Variants in PTPRD observed in about 807,000 individuals in gnomAD.
PTPRD encodes protein tyrosine phosphatase receptor type D.
In PTPRD, 34 loss-of-function variants were observed where a neutral mutation model predicts 214.5. The observed-to-expected ratio is 0.16, with a 90% CI of 0.12 to 0.21. The LOEUF is 0.21. Among genes scored for constraint, PTPRD ranks in the 10% least tolerant of loss-of-function variants. PTPRD has a pLI of 1.00. For synonymous variants in PTPRD, 1,128 were observed against 845.7 expected (o/e 1.33, Z -5.79); for missense variants, 2,545 against 2,398.7 (o/e 1.06, Z -1.27).
intron 10 of PTPRD, among the ~76,000 whole-genome samples, chr9:9,088,229 T>A (rs1444555763): frequency 6.6e-6 from 1 of 151,372 alleles, no homozygotes. Context: ...CCCTTGAACC[T>A]GCCAGAAAAG....
intron 2 of PTPRD, among the ~76,000 whole-genome samples, chr9:10,421,049 C>T (rs1466129781): frequency 6.6e-6 from 1 of 151,800 alleles, no homozygotes; most frequent in East Asian, 1.9e-4. Context: ...AATACACTAA[C>T]ACTAACAATA....
At chr9:10,266,038 T>G (rs2094031059) in intron 3 of PTPRD, among the ~76,000 whole-genome samples, 1 of 152,226 alleles carries the variant, frequency 6.6e-6, no homozygotes, top group Middle Eastern at 3.4e-3. Flanking sequence ...AGAAAAAATA[T>G]AAATATAACT....
At chr9:8,923,381 C>T (rs16928627) in intron 11 of PTPRD, among the ~76,000 whole-genome samples, 7,935 of 151,954 alleles carry the variant, frequency 0.052, 416 homozygotes, top group East Asian at 0.2. Context: ...TACTCAGCAC[C>T]GAGAGCAAGC....
intron 5 of PTPRD, among the ~76,000 whole-genome samples, chr9:9,923,328 G>T (rs2083203565): frequency 6.7e-6 from 1 of 148,502 alleles, no homozygotes; most frequent in Admixed American, 6.7e-5. Flanking sequence ...AAAGTTAAAA[G>T]AAAGACACAA....
chr9:9,231,419 G>A (rs2099963023), intron 9 of PTPRD, among the ~76,000 whole-genome samples: 1 of 152,020 alleles, frequency 6.6e-6, no homozygotes, highest in African/African-American at 2.4e-5. Context: ...TTTTACAAGT[G>A]GAAATCCTGG....
intron 5 of PTPRD, among the ~76,000 whole-genome samples, chr9:9,779,099 A>AAAAAAAAAAG (rs1565195907): frequency 1.7e-4 from 25 of 148,840 alleles, no homozygotes; most frequent in African/African-American, 6.1e-4. Context: ...AAAAAAAAAA[A>AAAAAAAAAAG]AAAAAGCAAT....
At chr9:8,780,554 T>C (rs2095654378) in intron 11 of PTPRD, among the ~76,000 whole-genome samples, 1 of 152,136 alleles carries the variant, frequency 6.6e-6, no homozygotes, top group South Asian at 2.1e-4. Context: ...AAAATGTCCA[T>C]GGTAGTTTCT....
intron 8 of PTPRD, among the ~76,000 whole-genome samples, chr9:9,439,308 T>C (rs1311346389): frequency 1.3e-5 from 2 of 152,142 alleles, no homozygotes; most frequent in Non-Finnish European, 2.9e-5. Context: ...AATTCATTCA[T>C]GCATAACATA....
intron 14 of PTPRD, among the ~76,000 whole-genome samples, chr9:8,570,086 G>A (rs1215829536): frequency 6.6e-6 from 1 of 152,066 alleles, no homozygotes; most frequent in Admixed American, 6.6e-5. Flanking sequence ...AAGAATGACT[G>A]TTCCTATAGC....
At chr9:10,395,953 A>ACGAGAGAG (rs1006733057) in intron 2 of PTPRD, among the ~76,000 whole-genome samples, 1 of 137,178 alleles carries the variant, frequency 7.3e-6, no homozygotes, top group African/African-American at 2.8e-5. Context: ...CATAGAGAGA[A>ACGAGAGAG]TGAGAGAGAG....
intron 5 of PTPRD, among the ~76,000 whole-genome samples, chr9:9,924,156 G>C (rs941192635): frequency 1.3e-5 from 2 of 151,956 alleles, no homozygotes; most frequent in Non-Finnish European, 2.9e-5. Context: ...CACATTGAGA[G>C]AATAGTGGGA....
intron 9 of PTPRD, among the ~76,000 whole-genome samples, chr9:9,183,656 A>T (rs2099929581): frequency 6.6e-6 from 1 of 152,050 alleles, no homozygotes; most frequent in African/African-American, 2.4e-5. Flanking sequence ...TAAAATGGCT[A>T]AATTGCCTTC....
intron 3 of PTPRD, among the ~76,000 whole-genome samples, chr9:10,251,115 T>C (rs1354806936): frequency 6.6e-6 from 1 of 152,092 alleles, no homozygotes; most frequent in Non-Finnish European, 1.5e-5. Context: ...TTACTTAAAA[T>C]TAACAGAAAA....
intron 2 of PTPRD, among the ~76,000 whole-genome samples, chr9:10,475,740 G>A (rs1318861964): frequency 6.6e-6 from 1 of 151,992 alleles, no homozygotes; most frequent in Non-Finnish European, 1.5e-5. Context: ...TAAAATACTA[G>A]CAAATCAAAT....
chr9:9,173,339 T>C lies in PTPRD; in HGVS notation c.-143+9965A>G, dbSNP rs1206742738. Among the ~76,000 whole-genome samples the C allele has an allele frequency of 2.6e-5, 4 of 152,310 alleles. No individual in the cohort carries two copies. The South Asian group carries it at 6.2e-4, about 24-fold the overall frequency. ...CTGGTATTCAGCAAGTAAAATGAACTTCCATTCTGTGTAGCTGGGTGTCTA... is the reference window on the plus strand; with the variant it reads ...CTGGTATTCAGCAAGTAAAATGAACCTCCATTCTGTGTAGCTGGGTGTCTA... On this transcript the variant is annotated intron_variant, in intron 10 of 45. Coordinates refer to ENST00000381196, the MANE Select transcript of PTPRD (RefSeq NM_002839.4).
At chr9:8,469,970 G>A (rs933596468) in intron 31 of PTPRD, among the ~76,000 whole-genome samples, 1 of 152,128 alleles carries the variant, frequency 6.6e-6, no homozygotes, top group Admixed American at 6.5e-5. Flanking sequence ...TCTCTGTAAT[G>A]TAGGTAGGGA....
At chr9:9,920,400 C>A (rs1044525702) in intron 5 of PTPRD, among the ~76,000 whole-genome samples, 2 of 152,000 alleles carry the variant, frequency 1.3e-5, no homozygotes, top group African/African-American at 4.8e-5. Flanking sequence ...TCTAACAATT[C>A]GAAGGAATCT....
chr9:9,839,235 T>C (rs1438137166), intron 5 of PTPRD, among the ~76,000 whole-genome samples: 1 of 152,122 alleles, frequency 6.6e-6, no homozygotes, highest in African/African-American at 2.4e-5. Context: ...TACAGGGTAT[T>C]CAATTAGGAA....
At position 9,136,491 on chromosome 9, in the gene PTPRD, C is replaced by A. The variant is rs1006949605; in HGVS notation, c.-143+46813G>T. ...GTGGTAAAAAACGCAATTAATGGAA[C>A]ACCTCAAATATAATCACTACTTAGA... On this transcript the variant is annotated intron_variant, in intron 10 of 45. Transcript: ENST00000381196. Among the ~76,000 whole-genome samples, 9 of 152,174 alleles carry A rather than the reference C, an allele frequency of 5.9e-5. No individual in the cohort carries two copies. In the South Asian group the frequency reaches 1.7e-3, roughly 28 times the overall value.
Sources: allele counts gnomAD v4.1 joint callset (sites outside exome capture counted in the v4.1 genomes callset), GRCh38; gene constraint gnomAD v4.1.1; transcripts MANE v1.5; gene names NCBI Gene and HGNC (gene_info 2026-07-23, HGNC 2026-07-21).